The following H6PD variants were observed in gnomAD, a reference collection of about 807,000 sequenced individuals.
The protein encoded by H6PD is GDH/6PGL endoplasmic bifunctional protein.
In H6PD, 48 loss-of-function variants were observed where a neutral mutation model predicts 61.2. That is an observed-to-expected ratio of 0.78 (90% CI 0.62 to 1.00). The LOEUF (loss-of-function observed/expected upper bound fraction) is 1.00. Ranked by LOEUF, H6PD falls within the 50% of genes least tolerant of loss-of-function variation. The pLI, the probability that H6PD is intolerant of heterozygous loss-of-function variation, is 0.00. For synonymous variants in H6PD, 480 were observed against 457.9 expected, an observed-to-expected ratio of 1.05 and a Z score of -0.62; for missense variants, 1,093 against 1,065.0, an observed-to-expected ratio of 1.03 and a Z score of -0.37.
intron 1 of H6PD, 34 bp from the exon 2 acceptor site, chr1:9,244,890 TC>T: frequency 6.2e-7 from 1 of 1,606,194 alleles, no homozygotes; most frequent in Non-Finnish European, 8.5e-7. Context: ...GTCTGATCCT[TC>T]CTTGTTCCTC....
chr1:9,247,170 G>C, intron 3 of H6PD, 87 bp downstream of exon 3: 1 of 916,460 alleles, frequency 1.1e-6, no homozygotes, highest in Non-Finnish European at 1.8e-6. Context: ...TCAGAGGGAG[G>C]TTTTCTGTGG....
In H6PD at chr1:9,263,765, C is replaced by T. The variant is rs775189836; in HGVS notation, c.1272C>T (p.Pro424=). The change falls in exon 5 of 5, where the codon CCC becomes CCT. Residue 424 remains proline (P), a synonymous_variant. Coordinates refer to ENST00000377403, the MANE Select transcript of H6PD (RefSeq NM_004285.4). The stretch of plus-strand genomic sequence containing the variant: ...GGAACCTGTTCAGGCCCTCCCTGCC[C>T]TCCAGCTGGAAGGAAATGGAGGGAC... ...VSRNLFRPSL[P]SSWKEMEGPP... 6.8e-6 allele frequency: 11 copies of T among 1,613,886 alleles called. No individual in the cohort carries two copies. Among genetic ancestry groups the T allele is most frequent in the South Asian group, 5.5e-5 (5 of 91,092 alleles).
rs1436330267 is a variant in H6PD, at chr1:9,264,114, A to T, written c.1621A>T (p.Ser541Cys). Residue 541 changes from serine to cysteine, a missense_variant, in exon 5 of 5, where the codon AGT (serine) becomes TGT (cysteine). By Grantham distance (112) the Ser-to-Cys change is moderately radical. Transcript: ENST00000377403. ...AGGGCCAGGGCCGGCCCCAATGCCC[A>T]GTGACTTCCAGGTCCTCAGGGCCAA... ...VPGPGPAPMP[S>C]DFQVLRAKYR... The T allele has an allele frequency of 3.1e-6, 5 of 1,613,850 alleles. No homozygotes were observed. Among genetic ancestry groups the T allele is most frequent in the Non-Finnish European group, 3.4e-6 (4 of 1,179,940 alleles).
At chr1:9,236,668 T>TAA (rs34967254) in intron 1 of H6PD, among the ~76,000 whole-genome samples, 1,200 of 111,424 alleles carry the variant, frequency 0.011, 17 homozygotes, top group African/African-American at 0.037. Context: ...GACTTCTCCT[T>TAA]AAAAAAAAAA....
rs1638654185 is a variant in H6PD at position 9,268,828 on chromosome 1, TC to T, written c.*3962del. ...GTCTGCTTTGCTTGTGTTTCTCCTG[TC>T]CCTGTTCTCCCGGAGGGCCCAGGTG... is the stretch of plus-strand genomic sequence containing the variant. On this transcript the variant is annotated 3_prime_UTR_variant, in exon 5 of 5. Coordinates refer to ENST00000377403, the MANE Select transcript of H6PD (RefSeq NM_004285.4). 6.6e-6 allele frequency: 1 copy of T among 152,158 alleles called. No individual in the cohort carries two copies. The highest frequency in any genetic ancestry group is 1.5e-5 in the Non-Finnish European group (1 of 68,034). The allele number at this position is 152,158 out of a possible 1,614,324, so 9.4% of individuals were successfully genotyped here.
intron 3 of H6PD, among the ~76,000 whole-genome samples, chr1:9,260,434 TTTG>T (rs1415489726): frequency 1.3e-5 from 2 of 151,826 alleles, no homozygotes; most frequent in South Asian, 2.1e-4. Context: ...CTGGTGTTGT[TTTG>T]TTGTTGTTAT....
chr1:9,261,181 C>T (rs1557748187), intron 3 of H6PD, among the ~76,000 whole-genome samples: 1 of 152,152 alleles, frequency 6.6e-6, no homozygotes, highest in African/African-American at 2.4e-5. Flanking sequence ...GGTCAGGTCT[C>T]GTCTTCTCCT....
chr1:9,246,808 T>G (rs76735647), intron 2 of H6PD, among the ~76,000 whole-genome samples, 158 bp from the exon 3 acceptor site: 2 of 152,158 alleles, frequency 1.3e-5, no homozygotes, highest in African/African-American at 4.8e-5. Context: ...TTTGGAACCT[T>G]TACTGGCCTG....
intron 3 of H6PD, among the ~76,000 whole-genome samples, chr1:9,257,144 CTT>C (rs113443067): frequency 2.7e-5 from 4 of 145,596 alleles, no homozygotes; most frequent in Non-Finnish European, 4.6e-5. Flanking sequence ...CTTTTTCTTT[CTT>C]TTTTTTTTTT....
intron 1 of H6PD, among the ~76,000 whole-genome samples, chr1:9,243,160 A>C (rs1452340642): frequency 6.6e-6 from 1 of 151,532 alleles, no homozygotes; most frequent in Non-Finnish European, 1.5e-5. Flanking sequence ...ACCCTCTTGG[A>C]GATGGATCTT....
chr1:9,241,120 G>C lies in H6PD; in HGVS notation c.-10-3805G>C, dbSNP rs184344034. ...GGCCTGGCTCTGTAGCCCCAGGAGAGGAGGGAGGTTCACAATGTTTTTCCT... is the reference window on the plus strand; with the variant it reads ...GGCCTGGCTCTGTAGCCCCAGGAGACGAGGGAGGTTCACAATGTTTTTCCT... On this transcript the variant is annotated intron_variant, in intron 1 of 4. Coordinates refer to ENST00000377403, the MANE Select transcript of H6PD (RefSeq NM_004285.4). 3.6e-3 allele frequency among the ~76,000 whole-genome samples: 541 copies of C among 152,340 alleles called. 1 individual carries two copies. The highest frequency in any genetic ancestry group is 4.1e-3 in the Non-Finnish European group (281 of 68,036).
rs562470687 is a variant in H6PD at position 9,263,717 on chromosome 1, C to T, written c.1224C>T (p.Gly408=). 28 of 1,614,002 alleles carry T rather than the reference C, an allele frequency of 1.7e-5. No individual in the cohort carries two copies. In the East Asian group the frequency reaches 5.1e-4, roughly 30 times the overall value. ...LVFHIGHGDL[G]SPAVLVSRNL... is the part of the protein sequence containing the mutation. ...TCCACATCGGCCATGGCGACCTGGG[C>T]AGCCCTGCCGTGCTGGTCAGCAGGA... The change falls in exon 5 of 5, where the codon GGC becomes GGT. Residue 408 remains glycine (G), a synonymous_variant. Coordinates refer to ENST00000377403, the MANE Select transcript of H6PD (RefSeq NM_004285.4).
chr1:9,262,132 C>T lies in H6PD; in HGVS notation c.819C>T (p.Thr273=), dbSNP rs1454196388. 2 of 1,614,202 alleles carry T rather than the reference C, an allele frequency of 1.2e-6. No homozygotes were observed. Among genetic ancestry groups the T allele is most frequent in the South Asian group, 1.1e-5 (1 of 91,086 alleles). ...AGAACCATCTGACGGAGGTCCTCAC[C>T]CTCGTGGCCATGGAGCTGCCCCACA... ...VLQNHLTEVL[T]LVAMELPHNV... Residue 273 remains threonine (T), a synonymous_variant, in exon 4 of 5, where the codon ACC becomes ACT. Coordinates refer to ENST00000377403, the MANE Select transcript of H6PD (RefSeq NM_004285.4).
At chr1:9,240,101 G>A (rs985570412) in intron 1 of H6PD, 24 of 813,356 alleles carry the variant, frequency 3.0e-5, no homozygotes, top group East Asian at 6.7e-5. Context: ...CTGGGTTCAC[G>A]TGCCTGCAGT....
rs1164220464 is a variant in H6PD, at chr1:9,264,864, G to A, written c.2371G>A (p.Gly791Arg). ...GTACATGGACTACGACGCCTTCCTG[G>A]GATGAGGGCGCCTGTGCCCCTTGCC... Reference protein sequence around the residue: ...VWYMDYDAFLG With the variant: ...VWYMDYDAFLR Residue 791 changes from glycine to arginine, a missense_variant, in exon 5 of 5, where the codon GGA (glycine) becomes AGA (arginine). Transcript: ENST00000377403. The A allele has an allele frequency of 2.5e-6, 4 of 1,611,402 alleles. No homozygotes were observed. Among genetic ancestry groups the A allele is most frequent in the Non-Finnish European group, 3.4e-6 (4 of 1,180,002 alleles).
In H6PD at chr1:9,244,923, AGGCAC is replaced by A; in HGVS notation, c.-10-1_-7del. ...CCTCGTCTGTCTCTCTTTGCACCCC[AGGCAC>A]CCAGGCATGTGGAATATGCTCATAG... On this transcript the variant is annotated splice_acceptor_variant and 5_prime_UTR_variant, in exon 2 of 5. Coordinates refer to ENST00000377403, the MANE Select transcript of H6PD (RefSeq NM_004285.4). LOFTEE classifies it low-confidence loss of function (5UTR_SPLICE). The A allele has an allele frequency of 1.7e-6, 2 of 1,182,616 alleles. No homozygotes were observed. The highest frequency in any genetic ancestry group is 2.3e-6 in the Non-Finnish European group (2 of 862,030). The allele number at this position is 1,182,616 out of a possible 1,614,324, so 73.3% of individuals were successfully genotyped here.
In H6PD at chr1:9,264,029, C is replaced by G; in HGVS notation, c.1536C>G (p.Asp512Glu). ...PGGAENGRLL[D>E]FEFSSGRLFF... is the part of the protein sequence containing the mutation. Reference sequence around the variant, plus strand: ...GAGCTGAGAATGGCCGTCTGTTGGACTTTGAGTTCAGTAGCGGCCGGTTGT... The same window carrying G: ...GAGCTGAGAATGGCCGTCTGTTGGAGTTTGAGTTCAGTAGCGGCCGGTTGT... The change falls in exon 5 of 5, where the codon GAC becomes GAG. Residue 512 changes from aspartate (D) to glutamate (E), a missense_variant. Physicochemically the swap from Asp to Glu is conservative, Grantham distance 45 (BLOSUM62 2). Coordinates refer to ENST00000377403, the MANE Select transcript of H6PD (RefSeq NM_004285.4). 1 of 1,614,204 alleles carries G rather than the reference C, an allele frequency of 6.2e-7. No homozygotes were observed. The highest frequency in any genetic ancestry group is 8.5e-7 in the Non-Finnish European group (1 of 1,180,038).
intron 3 of H6PD, among the ~76,000 whole-genome samples, chr1:9,252,136 G>A (rs185206767): frequency 4.1e-4 from 62 of 152,234 alleles, no homozygotes; most frequent in African/African-American, 1.4e-3. Context: ...CAGTGTTCTT[G>A]CAGTGTGTCT....
rs1638477983 is a variant in H6PD at position 9,264,416 on chromosome 1, G to A, written c.1923G>A (p.Leu641=). 1 of 1,613,080 alleles carries A rather than the reference G, an allele frequency of 6.2e-7. No homozygotes were observed. The highest frequency in any genetic ancestry group is 1.3e-5 in the African/African-American group (1 of 75,062). ...SNFQGLQAHL[L]QHVRIPYYNI... is the part of the protein sequence containing the mutation. ...TCCAGGGCCTGCAGGCCCACCTGCTGCAGCACGTCCGGATCCCCTACTACA... is the reference window on the plus strand; with the variant it reads ...TCCAGGGCCTGCAGGCCCACCTGCTACAGCACGTCCGGATCCCCTACTACA... The change falls in exon 5 of 5, where the codon CTG becomes CTA. Residue 641 remains leucine (L), a synonymous_variant. Coordinates refer to ENST00000377403, the MANE Select transcript of H6PD (RefSeq NM_004285.4).
Sources: gnomAD v4.1 joint callset for allele counts (sites outside exome capture counted in the v4.1 genomes callset) on GRCh38, gnomAD v4.1.1 for gene constraint, MANE v1.5 for transcripts, NCBI Gene and HGNC (gene_info 2026-07-23, HGNC 2026-07-21) for gene names.